The following C12orf42 variants were observed in gnomAD, a reference collection of about 807,000 sequenced individuals.
The protein encoded by C12orf42 is uncharacterized protein C12orf42.
A neutral mutation model predicts 21.6 loss-of-function variants in C12orf42; 25 were observed. That is an observed-to-expected ratio of 1.16 (90% CI 0.84 to 1.62). The LOEUF is 1.62. Among genes scored for constraint, C12orf42 ranks in the 40% most tolerant of loss-of-function variants. The pLI, the probability that C12orf42 is intolerant of heterozygous loss-of-function variation, is 0.00. For synonymous variants in C12orf42, 174 were observed against 175.0 expected (o/e 0.99, Z 0.05); for missense variants, 483 against 459.3 (o/e 1.05, Z -0.47).
chr12:103,549,625 T>C, the C12orf42 span: 3 of 152,208 alleles, frequency 2.0e-5, no homozygotes, highest in African/African-American at 7.2e-5. Context: ...TATCAAACAA[T>C]TGATAAATTA....
At chr12:103,332,349 T>C (rs1487847859) in intron 4 of C12orf42, among the ~76,000 whole-genome samples, 1 of 152,164 alleles carries the variant, frequency 6.6e-6, no homozygotes, top group Non-Finnish European at 1.5e-5. Flanking sequence ...AAGGCATAAG[T>C]CAGGGTGGTA....
intron 2 of C12orf42, among the ~76,000 whole-genome samples, chr12:103,428,899 C>A (rs1020658440): frequency 4.5e-5 from 4 of 89,044 alleles, no homozygotes; most frequent in Non-Finnish European, 8.7e-5. Flanking sequence ...GCAGACAAGG[C>A]CTTTAATAAA....
At chr12:103,355,961 T>C (rs1025783349) in intron 4 of C12orf42, among the ~76,000 whole-genome samples, 2 of 152,036 alleles carry the variant, frequency 1.3e-5, no homozygotes, top group Non-Finnish European at 2.9e-5. Context: ...GTGACATTCA[T>C]CTCTCACAAT....
intron 4 of C12orf42, among the ~76,000 whole-genome samples, chr12:103,279,579 A>G (rs1236922089): frequency 1.3e-5 from 2 of 152,210 alleles, no homozygotes; most frequent in Non-Finnish European, 2.9e-5. Flanking sequence ...ATGCTAGTTC[A>G]CTGTTCCTGT....
intron 2 of C12orf42, among the ~76,000 whole-genome samples, chr12:103,457,568 G>A (rs1952389812): frequency 6.6e-6 from 1 of 152,070 alleles, no homozygotes; most frequent in Non-Finnish European, 1.5e-5. Context: ...TCAGCTGAAT[G>A]GGGATCTACA....
At chr12:103,352,323 A>G (rs1817899701) in intron 4 of C12orf42, among the ~76,000 whole-genome samples, 1 of 152,198 alleles carries the variant, frequency 6.6e-6, no homozygotes, top group African/African-American at 2.4e-5. Flanking sequence ...GGTGCTGTGC[A>G]GGATAGAGAC....
chr12:103,411,716 T>A (rs764065804), intron 2 of C12orf42, among the ~76,000 whole-genome samples: 2 of 152,208 alleles, frequency 1.3e-5, no homozygotes, highest in Non-Finnish European at 1.5e-5. Flanking sequence ...AATCTATTTG[T>A]GCGTTGATCT....
Position 103,478,416 on chromosome 12 carries a change from A to T in C12orf42, c.11T>A (p.Val4Glu). ...TTCTTCCCTTTGTTTCATACATATC[A>T]CTGTAGACATTAATTTGACAAGTTC... MST[V>E]ICMKQREEEF... is the part of the protein sequence containing the mutation. The change falls in exon 2 of 6, where the codon GTG (valine) becomes GAG (glutamate). Residue 4 changes from valine (V) to glutamate (E), a missense_variant. Val to Glu is a moderately radical substitution (Grantham distance 121). Coordinates refer to ENST00000548883, the MANE Select transcript of C12orf42 (RefSeq NM_198521.5). The T allele has an allele frequency of 6.9e-6, 11 of 1,586,316 alleles. No individual in the cohort carries two copies. The highest frequency in any genetic ancestry group is 9.5e-6 in the Non-Finnish European group (11 of 1,163,438).
At chr12:103,556,209 C>T in the C12orf42 span, among the ~76,000 whole-genome samples, 1 of 152,184 alleles carries the variant, frequency 6.6e-6, no homozygotes, top group Admixed American at 6.5e-5. Flanking sequence ...TACATGACCT[C>T]TCTGAGTTTT....
chr12:103,239,823 G>A (rs2033646726), intron 10 of C12orf42, among the ~76,000 whole-genome samples: 1 of 152,196 alleles, frequency 6.6e-6, no homozygotes, highest in African/African-American at 2.4e-5. Flanking sequence ...GATGCAGATG[G>A]TGACGGCTTT....
intron 3 of C12orf42, among the ~76,000 whole-genome samples, chr12:103,388,219 TG>T (rs772473231): frequency 3.5e-4 from 53 of 152,196 alleles, no homozygotes; most frequent in Non-Finnish European, 2.6e-4. Context: ...TCCTGGCCTC[TG>T]GAGAGTCTCT....
the C12orf42 span, among the ~76,000 whole-genome samples, chr12:103,068,206 A>G: frequency 1.3e-5 from 2 of 152,182 alleles, no homozygotes; most frequent in South Asian, 4.1e-4. Flanking sequence ...TCTTTTGTTA[A>G]AAACATGTTT....
chr12:103,149,766 G>T, the C12orf42 span, among the ~76,000 whole-genome samples: 1 of 152,170 alleles, frequency 6.6e-6, no homozygotes, highest in Non-Finnish European at 1.5e-5. Flanking sequence ...AAGTGGAATT[G>T]TAAGTCAAAC....
the C12orf42 span, among the ~76,000 whole-genome samples, chr12:103,202,774 A>T: frequency 6.6e-6 from 1 of 152,152 alleles, no homozygotes; most frequent in African/African-American, 2.4e-5. Context: ...CACTGGTAAT[A>T]TGGGACAAAT....
chr12:103,195,724 A>G, the C12orf42 span, among the ~76,000 whole-genome samples: 1 of 151,952 alleles, frequency 6.6e-6, no homozygotes, highest in East Asian at 1.9e-4. Context: ...ATTTTTTCCT[A>G]TTCTGTAGGT....
chr12:103,428,646 C>T (rs1950032369), intron 2 of C12orf42, among the ~76,000 whole-genome samples: 1 of 152,136 alleles, frequency 6.6e-6, no homozygotes, highest in African/African-American at 2.4e-5. Context: ...GATACCAAAA[C>T]CTGGCAGAGA....
intron 2 of C12orf42, among the ~76,000 whole-genome samples, chr12:103,458,056 A>T (rs1235268400): frequency 6.6e-6 from 1 of 152,202 alleles, no homozygotes; most frequent in African/African-American, 2.4e-5. Context: ...TGAAACAAAG[A>T]ACAAAAGCTT....
At chr12:103,462,102 T>TTTTTTTTTTTG (rs1952763809) in intron 2 of C12orf42, among the ~76,000 whole-genome samples, 2 of 70,890 alleles carry the variant, frequency 2.8e-5, no homozygotes, top group South Asian at 1.0e-3. Flanking sequence ...CTTGGTTTTT[T>TTTTTTTTTTTG]TTTTTTTTTT....
rs111933213 is a variant in C12orf42, at chr12:103,424,140, A to G, written c.79-22465T>C. ...TGCAGAAGTGAAGCCTTTGAGCGCA[A>G]GCTCCAAAGTGATTAAGATCCCCCT... On this transcript the variant is annotated intron_variant, in intron 2 of 5. Transcript: ENST00000548883. Among the ~76,000 whole-genome samples the G allele has an allele frequency of 1.6e-3, 246 of 152,388 alleles. 2 individuals carry two copies. The highest frequency in any genetic ancestry group is 3.1e-3 in the Non-Finnish European group (209 of 68,040).
Sources: allele counts gnomAD v4.1 joint callset (sites outside exome capture counted in the v4.1 genomes callset), GRCh38; gene constraint gnomAD v4.1.1; transcripts MANE v1.5; gene names NCBI Gene and HGNC (gene_info 2026-07-23, HGNC 2026-07-21).